Variants in ADCY2 observed in about 807,000 individuals in gnomAD.
The protein encoded by ADCY2 is adenylate cyclase 2.
A neutral mutation model predicts 125.2 loss-of-function variants in ADCY2; 31 were observed. That is an observed-to-expected ratio of 0.25 (90% confidence interval 0.19 to 0.33). The LOEUF (loss-of-function observed/expected upper bound fraction) is 0.33, where lower values mean the gene tolerates loss of function less well. ADCY2 is among the 10% of genes least tolerant of loss of function. The pLI is 1.00. For missense variants in ADCY2, 904 were observed against 1,418.2 expected, an observed-to-expected ratio of 0.64 and a Z score of 5.82; for synonymous variants, 512 against 548.4, an observed-to-expected ratio of 0.93 and a Z score of 0.93.
intron 4 of ADCY2, among the ~76,000 whole-genome samples, chr5:7,677,201 G>A (rs931309476): frequency 3.3e-5 from 5 of 152,034 alleles, no homozygotes; most frequent in Non-Finnish European, 5.9e-5. Context: ...TCGCTTGAAC[G>A]CAGGAGGTGG....
rs1156727514 is a variant in ADCY2, at chr5:7,829,910, C to T, written c.*3039C>T. 6.6e-6 allele frequency: 1 copy of T among 152,002 alleles called. No individual in the cohort carries two copies. The highest frequency in any genetic ancestry group is 1.5e-5 in the Non-Finnish European group (1 of 68,036). The allele number at this position is 152,002 out of a possible 1,614,324, so 9.4% of individuals were successfully genotyped here. ...CTGGGCAACATAGCAAGACCCCCATCTCTGCAAAAAAATAAGAAAATTAGC... is the reference window on the plus strand; with the variant it reads ...CTGGGCAACATAGCAAGACCCCCATTTCTGCAAAAAAATAAGAAAATTAGC... On this transcript the variant is annotated 3_prime_UTR_variant, in exon 25 of 25. Coordinates refer to ENST00000338316, the MANE Select transcript of ADCY2 (RefSeq NM_020546.3).
chr5:7,421,276 A>G (rs1320632335), intron 2 of ADCY2, among the ~76,000 whole-genome samples: 2 of 152,224 alleles, frequency 1.3e-5, no homozygotes, highest in African/African-American at 4.8e-5. Context: ...TTATTGTCTC[A>G]GCTCTGGAGG....
intron 17 of ADCY2, among the ~76,000 whole-genome samples, chr5:7,767,847 G>A (rs932761911): frequency 9.9e-5 from 15 of 151,946 alleles, no homozygotes; most frequent in African/African-American, 3.4e-4. Context: ...TGCCTAACAC[G>A]GTGAAACCCC....
chr5:7,463,618 T>TAAAAAAAA (rs33927169), intron 2 of ADCY2, among the ~76,000 whole-genome samples: 1 of 102,558 alleles, frequency 9.8e-6, no homozygotes. Context: ...AGGTGATAGA[T>TAAAAAAAA]AAAAAAAAAA....
Position 7,426,098 on chromosome 5 carries a change from C to T in ADCY2, c.408+11328C>T, listed in dbSNP as rs190915267. On this transcript the variant is annotated intron_variant, in intron 2 of 24. Coordinates refer to ENST00000338316, the MANE Select transcript of ADCY2 (RefSeq NM_020546.3). The stretch of plus-strand genomic sequence containing the variant: ...AGAGATGAGGTGGAGAGGCCCCATC[C>T]TGCATAAGGAAAGTCCATTTCATTA... 4.1e-4 allele frequency among the ~76,000 whole-genome samples: 63 copies of T among 152,282 alleles called. No homozygotes were observed. In the East Asian group the frequency reaches 0.012, roughly 28 times the overall value.
intron 11 of ADCY2, among the ~76,000 whole-genome samples, chr5:7,716,310 T>C (rs950694725): frequency 6.6e-6 from 1 of 152,128 alleles, no homozygotes; most frequent in South Asian, 2.1e-4. Context: ...TTTTTGAGAG[T>C]TGACCAAGGA....
chr5:7,460,950 A>T (rs1741895287), intron 2 of ADCY2, among the ~76,000 whole-genome samples: 1 of 152,126 alleles, frequency 6.6e-6, no homozygotes, highest in African/African-American at 2.4e-5. Context: ...TCTCAGCCAC[A>T]GTTGTTTATA....
chr5:7,544,986 G>A (rs1735105692), intron 3 of ADCY2, among the ~76,000 whole-genome samples: 2 of 152,320 alleles, frequency 1.3e-5, no homozygotes, highest in East Asian at 1.9e-4. Context: ...CCATGAAGCA[G>A]CTGGCTTCCT....
intron 3 of ADCY2, among the ~76,000 whole-genome samples, chr5:7,617,539 C>T (rs1272570901): frequency 2.0e-5 from 3 of 152,164 alleles, no homozygotes; most frequent in African/African-American, 7.2e-5. Context: ...AAGCCCACTC[C>T]TTTTGATTGT....
chr5:7,772,841 A>T (rs1287347275), intron 17 of ADCY2, 91 bp from the exon 18 acceptor site: 37 of 1,278,596 alleles, frequency 2.9e-5, no homozygotes, highest in Non-Finnish European at 3.9e-5. Flanking sequence ...TGTTGACCAG[A>T]TGAGATGGGC....
intron 3 of ADCY2, among the ~76,000 whole-genome samples, chr5:7,613,763 C>T (rs1273170016): frequency 6.6e-6 from 1 of 152,220 alleles, no homozygotes; most frequent in African/African-American, 2.4e-5. Flanking sequence ...AGATGACCAG[C>T]CATCCTGAGC....
At chr5:7,476,256 G>T (rs1742520431) in intron 2 of ADCY2, among the ~76,000 whole-genome samples, 1 of 152,094 alleles carries the variant, frequency 6.6e-6, no homozygotes, top group African/African-American at 2.4e-5. Context: ...TTGGAGCTTG[G>T]GGCTGGGTGA....
chr5:7,570,454 T>C (rs1232469089), intron 3 of ADCY2, among the ~76,000 whole-genome samples: 1 of 152,094 alleles, frequency 6.6e-6, no homozygotes, highest in African/African-American at 2.4e-5. Flanking sequence ...GAGCAGGTAT[T>C]CCCTCTTAAT....
At chr5:7,647,624 A>G (rs1738944874) in intron 4 of ADCY2, among the ~76,000 whole-genome samples, 1 of 152,216 alleles carries the variant, frequency 6.6e-6, no homozygotes, top group Admixed American at 6.5e-5. Flanking sequence ...ATGCTCGTTG[A>G]CACATCTTAA....
chr5:7,546,503 A>G lies in ADCY2; in HGVS notation c.570+25604A>G, dbSNP rs548082427. 2.3e-3 allele frequency among the ~76,000 whole-genome samples: 343 copies of G among 152,302 alleles called. 4 individuals carry two copies. Among genetic ancestry groups the G allele is most frequent in the African/African-American group, 7.7e-3 (320 of 41,566 alleles). ...CACAGTGTGGAAGTGGCAGAGCTGG[A>G]TTCGGGGGCAGGCATGTAGATGCCA... On this transcript the variant is annotated intron_variant, in intron 3 of 24. Coordinates refer to ENST00000338316, the MANE Select transcript of ADCY2 (RefSeq NM_020546.3).
intron 17 of ADCY2, among the ~76,000 whole-genome samples, chr5:7,768,535 A>G (rs143037785): frequency 1.3e-5 from 2 of 152,278 alleles, no homozygotes; most frequent in Non-Finnish European, 2.9e-5. Context: ...CAGGAAAAAA[A>G]TGTATAGCTG....
intron 3 of ADCY2, among the ~76,000 whole-genome samples, chr5:7,603,007 G>T (rs1737266909): frequency 6.6e-6 from 1 of 152,146 alleles, no homozygotes; most frequent in Non-Finnish European, 1.5e-5. Context: ...GAGCCCATTG[G>T]CTTTGCTGTC....
intron 4 of ADCY2, among the ~76,000 whole-genome samples, chr5:7,652,454 A>G (rs1739129316): frequency 6.6e-6 from 1 of 152,356 alleles, no homozygotes; most frequent in South Asian, 2.1e-4. Flanking sequence ...GCGTGGCCGT[A>G]TAGTTAACAT....
intron 15 of ADCY2, 115 bp from the exon 16 acceptor site, chr5:7,757,334 T>C (rs1743025234): frequency 2.2e-6 from 3 of 1,334,418 alleles, no homozygotes; most frequent in East Asian, 4.7e-5. Context: ...AGAATCTACA[T>C]GTTTAGTCTA....
Sources: allele counts gnomAD v4.1 joint callset (sites outside exome capture counted in the v4.1 genomes callset), GRCh38; gene constraint gnomAD v4.1.1; transcripts MANE v1.5; gene names NCBI Gene and HGNC (gene_info 2026-07-23, HGNC 2026-07-21).